DLK2: variants seen among roughly 807,000 people sequenced by gnomAD.
DLK2 encodes the protein protein delta homolog 2.
In DLK2, 9 loss-of-function variants were observed where a neutral mutation model predicts 31.3. The ratio of observed to expected loss-of-function variants is 0.29; its 90% CI spans 0.17 to 0.50. The LOEUF (loss-of-function observed/expected upper bound fraction) is 0.50. Among genes scored for constraint, DLK2 ranks in the 20% least tolerant of loss-of-function variants. The probability of loss-of-function intolerance (pLI) is 0.98; values close to 1 mark genes in which losing one functional copy is unlikely to be tolerated. For missense variants in DLK2, 387 were observed against 526.1 expected, an observed-to-expected ratio of 0.74 and a Z score of 2.59; for synonymous variants, 169 against 201.2, an observed-to-expected ratio of 0.84 and a Z score of 1.35.
At chr6:43,454,380 G>A in intron 3 of DLK2, 31 bp downstream of exon 3, 1 of 1,592,662 alleles carries the variant, frequency 6.3e-7, no homozygotes, top group Non-Finnish European at 8.5e-7. Flanking sequence ...GGGTACCAAA[G>A]GGTTTGGGGG....
intron 2 of DLK2, 116 bp downstream of exon 2, chr6:43,454,624 GCAACCTCGGT>G (rs1205605976): frequency 5.1e-6 from 7 of 1,380,438 alleles, no homozygotes; most frequent in Non-Finnish European, 6.9e-6. Flanking sequence ...TTCCAAAAAG[GCAACCTCGGT>G]CTTGCTTGCC....
Position 43,453,149 on chromosome 6 carries a change from G to T in DLK2, c.141-14C>A, listed in dbSNP as rs1041915888. ...CCCGGGTCACACCTGACGGGGAGAA[G>T]CACAGGGTCAGGGCTCTGGGTCATG... On this transcript the variant is annotated splice_polypyrimidine_tract_variant and intron_variant, in intron 3 of 5. Transcript: ENST00000372488. The surrounding 1 kb of genome is among the most constrained non-coding windows in gnomAD (Gnocchi z 4.1). The T allele has an allele frequency of 2.5e-6, 4 of 1,591,078 alleles. No individual in the cohort carries two copies. In the East Asian group the frequency reaches 9.0e-5, roughly 36 times the overall value.
chr6:43,453,264 G>C lies in DLK2; in HGVS notation c.141-129C>G. On this transcript the variant is annotated intron_variant, in intron 3 of 5. Coordinates refer to ENST00000372488, the MANE Select transcript of DLK2 (RefSeq NM_023932.4). This position sits in a 1 kb window ranked among gnomAD's most constrained non-coding sequence, Gnocchi z 4.1. ...CTAAGGGAAAGCAGACCTGTCCCAG[G>C]TAGGTGTAGGACTGTGCAGGGTCAT... 8.0e-7 allele frequency: 1 copy of C among 1,252,226 alleles called. No individual in the cohort carries two copies. Among genetic ancestry groups the C allele is most frequent in the Non-Finnish European group, 1.1e-6 (1 of 933,124 alleles). 77.6% of individuals were successfully genotyped at this position (1,252,226 alleles called of 1,614,324 possible). A position where few individuals can be genotyped will look rare whatever the true frequency, so the allele number is the denominator to read the frequency against.
At position 43,451,316 on chromosome 6, in the gene DLK2, A is replaced by G; in HGVS notation, c.417-42T>C. ...AGAGGACATGATAACCAACTTACCA[A>G]CACCTGTAGGGCAGCCCAGGTCAGT... is the stretch of plus-strand genomic sequence containing the variant. On this transcript the variant is annotated intron_variant, in intron 5 of 5. Transcript: ENST00000372488. This position sits in a 1 kb window ranked among gnomAD's most constrained non-coding sequence, Gnocchi z 4.4. 1 of 1,591,898 alleles carries G rather than the reference A, an allele frequency of 6.3e-7. No individual in the cohort carries two copies. The highest frequency in any genetic ancestry group is 8.6e-7 in the Non-Finnish European group (1 of 1,168,564).
At chr6:43,456,575 C>G (rs1783984702), upstream of DLK2, 3 of 152,096 alleles carry the variant, frequency 2.0e-5, no homozygotes, top group African/African-American at 4.8e-5. Context: ...ATTAGCCAGG[C>G]GTGGTGGTGC....
intron 1 of DLK2, 109 bp downstream of exon 1, chr6:43,455,286 C>T (rs868683937): frequency 5.3e-5 from 8 of 151,722 alleles, no homozygotes; most frequent in East Asian, 1.9e-4. Context: ...AGCCCCCCCC[C>T]CCGCCACCAC....
chr6:43,455,938 C>T (rs910313728), upstream of DLK2: 1 of 152,850 alleles, frequency 6.5e-6, no homozygotes, highest in African/African-American at 2.4e-5. Context: ...GCTCCCCGCC[C>T]TCCGCCTGTC....
At chr6:43,454,105 C>T (rs996906709) in intron 3 of DLK2, among the ~76,000 whole-genome samples, 1 of 152,182 alleles carries the variant, frequency 6.6e-6, no homozygotes, top group African/African-American at 2.4e-5. Context: ...TTCTCTTTCC[C>T]TTTTTCCTTT....
In DLK2 at chr6:43,453,785, T is replaced by C. The variant is rs775568071; in HGVS notation, c.140+626A>G. ...GCCTTGGCAACAAAGCGAGACTCTG[T>C]CTCAAAAACAAAAAATAAAAATAAA... On this transcript the variant is annotated intron_variant, in intron 3 of 5. Coordinates refer to ENST00000372488, the MANE Select transcript of DLK2 (RefSeq NM_023932.4). The surrounding 1 kb of genome is among the most constrained non-coding windows in gnomAD (Gnocchi z 4.1). 3.3e-5 allele frequency among the ~76,000 whole-genome samples: 5 copies of C among 151,974 alleles called. No individual in the cohort carries two copies. The highest frequency in any genetic ancestry group is 5.9e-5 in the Non-Finnish European group (4 of 68,000).
intron 2 of DLK2, 90 bp downstream of exon 2, chr6:43,454,660 A>G (rs1382102293): frequency 8.9e-6 from 13 of 1,464,380 alleles, no homozygotes; most frequent in Non-Finnish European, 1.2e-5. Context: ...GGTCGGAGCG[A>G]CTGCAGTGCC....
In DLK2 at chr6:43,451,336, G is replaced by A. The variant is rs1562212661; in HGVS notation, c.417-62C>T. The A allele has an allele frequency of 4.5e-6, 7 of 1,559,334 alleles. No individual in the cohort carries two copies. The highest frequency in any genetic ancestry group is 6.1e-6 in the Non-Finnish European group (7 of 1,151,730). ...TACCAACACCTGTAGGGCAGCCCAG[G>A]TCAGTATCCTGACCACTGCCCGCCA... On this transcript the variant is annotated intron_variant, in intron 5 of 5. Coordinates refer to ENST00000372488, the MANE Select transcript of DLK2 (RefSeq NM_023932.4). The surrounding 1 kb of genome is among the most constrained non-coding windows in gnomAD (Gnocchi z 4.4).
rs1246777355 is a variant in DLK2, at chr6:43,454,447, A to G, written c.104T>C (p.Leu35Pro). The change falls in exon 3 of 6, where the codon CTG (leucine) becomes CCG (proline). Residue 35 changes from leucine to proline, a missense_variant. By Grantham distance (98) the Leu-to-Pro change is moderately conservative. Transcript: ENST00000372488. ...RADDCSSHCDLAHGCCAPDGS... is the reference protein window; with the variant it reads ...RADDCSSHCDPAHGCCAPDGS... ...GTCAGGTGCACAGCAGCCGTGGGCCAGGTCACAGTGGGAGCTGCAGTCATC... is the reference window on the plus strand; with the variant it reads ...GTCAGGTGCACAGCAGCCGTGGGCCGGGTCACAGTGGGAGCTGCAGTCATC... The G allele has an allele frequency of 1.9e-6, 3 of 1,601,598 alleles. No homozygotes were observed. The highest frequency in any genetic ancestry group is 1.1e-5 in the South Asian group (1 of 87,892).
chr6:43,454,693 C>A, intron 2 of DLK2, 57 bp downstream of exon 2: 1 of 1,529,764 alleles, frequency 6.5e-7, no homozygotes, highest in South Asian at 1.2e-5. Flanking sequence ...CAGAGGTCAA[C>A]GTGCAAGCGA....
chr6:43,454,362 T>C (rs1374317909), intron 3 of DLK2, 49 bp downstream of exon 3: 1 of 1,560,606 alleles, frequency 6.4e-7, no homozygotes, highest in Non-Finnish European at 8.7e-7. Context: ...CGTGAAGGGC[T>C]TAGAAATGGG....
chr6:43,453,765 G>A lies in DLK2; in HGVS notation c.141-630C>T, dbSNP rs1352058455. 6.7e-6 allele frequency among the ~76,000 whole-genome samples: 1 copy of A among 148,878 alleles called. No homozygotes were observed. The highest frequency in any genetic ancestry group is 6.6e-5 in the Admixed American group (1 of 15,104). ...GATCGCGCCACTGCACTCCAGCCTT[G>A]GCAACAAAGCGAGACTCTGTCTCAA... On this transcript the variant is annotated intron_variant, in intron 3 of 5. Coordinates refer to ENST00000372488, the MANE Select transcript of DLK2 (RefSeq NM_023932.4). This position sits in a 1 kb window ranked among gnomAD's most constrained non-coding sequence, Gnocchi z 4.1.
At position 43,450,866 on chromosome 6, in the gene DLK2, C is replaced by A. The variant is rs759095967; in HGVS notation, c.825G>T (p.Thr275=). The A allele has an allele frequency of 1.5e-5, 25 of 1,614,042 alleles. 1 individual carries two copies. In the Admixed American group the frequency reaches 4.0e-4, roughly 26 times the overall value. The change falls in exon 6 of 6, where the codon ACG becomes ACT. Residue 275 remains threonine (T), a synonymous_variant. Coordinates refer to ENST00000372488, the MANE Select transcript of DLK2 (RefSeq NM_023932.4). This position sits in a 1 kb window ranked among gnomAD's most constrained non-coding sequence, Gnocchi z 4.5. The part of the protein sequence containing the change: ...GPTSAVVVPA[T]GPAPHSAGAG... Reference sequence around the variant, plus strand: ...CCCCTGCGCTGTGGGGGGCTGGCCCCGTGGCAGGTACCACTACAGCTGAGG... The same window carrying A: ...CCCCTGCGCTGTGGGGGGCTGGCCCAGTGGCAGGTACCACTACAGCTGAGG...
At chr6:43,454,943 C>T in intron 1 of DLK2, 63 bp from the exon 2 acceptor site, 1 of 1,401,810 alleles carries the variant, frequency 7.1e-7, no homozygotes, top group Non-Finnish European at 9.4e-7. Context: ...ATACGGGTTC[C>T]AAGTGACAGG....
At chr6:43,454,110 T>C (rs576989762) in intron 3 of DLK2, among the ~76,000 whole-genome samples, 85 of 152,332 alleles carry the variant, frequency 5.6e-4, no homozygotes, top group African/African-American at 2.0e-3. Flanking sequence ...TTTCCCTTTT[T>C]CCTTTATCTT....
chr6:43,452,486 C>T (rs1357162079), intron 4 of DLK2, among the ~76,000 whole-genome samples: 5 of 151,938 alleles, frequency 3.3e-5, no homozygotes, highest in African/African-American at 4.8e-5. Context: ...GAGGCCAAGG[C>T]GGGTGGATCA....
Sources: allele counts gnomAD v4.1 joint callset (sites outside exome capture counted in the v4.1 genomes callset), GRCh38; gene constraint gnomAD v4.1.1; non-coding constraint Gnocchi (gnomAD v3.1); transcripts MANE v1.5; gene names NCBI Gene and HGNC (gene_info 2026-07-23, HGNC 2026-07-21).